Variants in RGS6 observed in about 807,000 individuals in gnomAD.
RGS6 encodes the protein regulator of G-protein signaling 6.
In RGS6, 30 loss-of-function variants were observed where a neutral mutation model predicts 78.5. The observed-to-expected ratio is 0.38, with a 90% CI of 0.29 to 0.52. RGS6 has a LOEUF of 0.52. Among genes scored for constraint, RGS6 ranks in the 20% least tolerant of loss-of-function variants. RGS6 has a pLI of 0.85. For missense variants in RGS6, 495 were observed against 609.7 expected (o/e 0.81, Z 1.98); for synonymous variants, 206 against 206.0 (o/e 1.00, Z 0.00).
chr14:72,308,246 A>C (rs904296648), intron 2 of RGS6, among the ~76,000 whole-genome samples: 3 of 152,172 alleles, frequency 2.0e-5, no homozygotes, highest in African/African-American at 7.2e-5. Flanking sequence ...TTTAACAAAA[A>C]TGCTTCTGTA....
At chr14:71,877,285 C>T in the RGS6 span, among the ~76,000 whole-genome samples, 1 of 152,212 alleles carries the variant, frequency 6.6e-6, no homozygotes, top group South Asian at 2.1e-4. Flanking sequence ...AACTTGTTTC[C>T]ATTCTCCCCG....
chr14:71,954,251 C>A (rs2092615166), intron 1 of RGS6, among the ~76,000 whole-genome samples: 1 of 151,638 alleles, frequency 6.6e-6, no homozygotes, highest in African/African-American at 2.4e-5. Flanking sequence ...ATTATTCCTT[C>A]TAATATTTCT....
In RGS6 at chr14:72,075,920, G is replaced by A. The variant is rs536499986; in HGVS notation, c.84+111045G>A. On this transcript the variant is annotated intron_variant, in intron 2 of 17. Transcript: ENST00000553525. ...AAGTCCGTGGGAAGAGCAAGATGCTGGTGATATCCTGGAGCTCTTCTGACA... is the reference window on the plus strand; with the variant it reads ...AAGTCCGTGGGAAGAGCAAGATGCTAGTGATATCCTGGAGCTCTTCTGACA... Among the ~76,000 whole-genome samples the A allele has an allele frequency of 3.9e-5, 6 of 152,300 alleles. No individual in the cohort carries two copies. The East Asian group carries it at 1.2e-3, about 29-fold the overall frequency.
intron 13 of RGS6, among the ~76,000 whole-genome samples, chr14:72,508,562 C>CTTTTTTTTTTTTTTTTTTTTTTTT (rs61097187): frequency 5.3e-5 from 3 of 56,460 alleles, no homozygotes; most frequent in Non-Finnish European, 8.8e-5. Flanking sequence ...ACACAAGCTC[C>CTTTTTTTTTTTTTTTTTTTTTTTT]TTTTTTTTTT....
intron 2 of RGS6, among the ~76,000 whole-genome samples, chr14:72,117,436 C>G (rs565346957): frequency 1.2e-3 from 190 of 152,214 alleles, no homozygotes; most frequent in African/African-American, 3.9e-3. Flanking sequence ...GGCTCCCCCC[C>G]ACCCTTCACC....
At chr14:72,196,115 C>T (rs972898871) in intron 2 of RGS6, among the ~76,000 whole-genome samples, 13 of 151,932 alleles carry the variant, frequency 8.6e-5, no homozygotes, top group African/African-American at 2.9e-4. Flanking sequence ...GGAGATGCAG[C>T]GAGAATTCGA....
intron 3 of RGS6, among the ~76,000 whole-genome samples, chr14:72,395,815 G>C (rs149774179): frequency 0.026 from 3,914 of 152,106 alleles, 86 homozygotes; most frequent in Middle Eastern, 0.082. Flanking sequence ...AGTTTGCTGA[G>C]AATGATGGTT....
intron 4 of RGS6, among the ~76,000 whole-genome samples, chr14:72,454,994 G>A (rs1017645516): frequency 3.9e-5 from 6 of 152,186 alleles, no homozygotes; most frequent in African/African-American, 9.6e-5. Flanking sequence ...TGCAAGAAGT[G>A]AAGGAATGAT....
Position 72,217,555 on chromosome 14 carries a change from TA to T in RGS6, c.85-134532del, listed in dbSNP as rs201000370. On this transcript the variant is annotated intron_variant, in intron 2 of 17. Coordinates refer to ENST00000553525, the MANE Select transcript of RGS6 (RefSeq NM_001204424.2). ...TCTTTTTTATAGTTTTTTTCTAATTTAAAAAAAAGTAACACAATATGGGCTC... is the reference window on the plus strand; with the variant it reads ...TCTTTTTTATAGTTTTTTTCTAATTTAAAAAAAGTAACACAATATGGGCTC... Among the ~76,000 whole-genome samples, 1,049 of 152,050 alleles carry T rather than the reference TA, an allele frequency of 6.9e-3. 11 individuals are homozygous for T. Among genetic ancestry groups the T allele is most frequent in the African/African-American group, 0.024 (992 of 41,502 alleles).
At chr14:72,337,608 C>T (rs2076277333) in intron 2 of RGS6, among the ~76,000 whole-genome samples, 1 of 152,196 alleles carries the variant, frequency 6.6e-6, no homozygotes, top group Non-Finnish European at 1.5e-5. Context: ...CACAGGCCAT[C>T]TCCCTCCTAA....
intron 2 of RGS6, among the ~76,000 whole-genome samples, chr14:72,156,072 T>C (rs1486529954): frequency 6.6e-6 from 1 of 152,246 alleles, no homozygotes; most frequent in East Asian, 1.9e-4. Flanking sequence ...TTTTACAGTC[T>C]ACCTGAGTAA....
the RGS6 span, among the ~76,000 whole-genome samples, chr14:71,900,745 C>T: frequency 1.3e-5 from 2 of 152,026 alleles, no homozygotes; most frequent in Non-Finnish European, 2.9e-5. Context: ...TAAAGGAATA[C>T]CTGAGACTGG....
At chr14:72,366,152 A>G (rs1477510242) in intron 3 of RGS6, among the ~76,000 whole-genome samples, 1 of 152,102 alleles carries the variant, frequency 6.6e-6, no homozygotes, top group African/African-American at 2.4e-5. Context: ...CACATCTTCT[A>G]TGATTTTGAG....
chr14:72,468,819 T>G (rs1032746772), intron 7 of RGS6, among the ~76,000 whole-genome samples: 4 of 152,326 alleles, frequency 2.6e-5, no homozygotes, highest in African/African-American at 9.6e-5. Context: ...CTATGAGCAG[T>G]GGAAGAGTCA....
intron 15 of RGS6, among the ~76,000 whole-genome samples, chr14:72,534,382 G>A (rs905434523): frequency 2.6e-5 from 4 of 152,048 alleles, no homozygotes; most frequent in Admixed American, 2.6e-4. Context: ...TTGCTTTATT[G>A]TGGTGGCCTG....
At chr14:72,382,973 G>C (rs1293952934) in intron 3 of RGS6, among the ~76,000 whole-genome samples, 4 of 151,804 alleles carry the variant, frequency 2.6e-5, no homozygotes, top group Admixed American at 2.6e-4. Context: ...GAAATGTTTA[G>C]GTGTGGAGGT....
At chr14:72,147,611 T>C (rs1465944475) in intron 2 of RGS6, among the ~76,000 whole-genome samples, 1 of 152,186 alleles carries the variant, frequency 6.6e-6, no homozygotes, top group African/African-American at 2.4e-5. Context: ...ACATAAACTT[T>C]GGAGAACACA....
At chr14:72,467,052 C>T (rs778443662) in intron 7 of RGS6, among the ~76,000 whole-genome samples, 34 of 152,024 alleles carry the variant, frequency 2.2e-4, no homozygotes, top group Non-Finnish European at 4.0e-4. Flanking sequence ...AATTAGAGGC[C>T]CCACCACCAA....
chr14:72,242,072 G>C (rs1342831679), intron 2 of RGS6, among the ~76,000 whole-genome samples: 4 of 152,202 alleles, frequency 2.6e-5, no homozygotes, highest in Non-Finnish European at 5.9e-5. Context: ...GGATTCAGTA[G>C]TTGAGGGGCT....
Sources: allele counts gnomAD v4.1 joint callset (sites outside exome capture counted in the v4.1 genomes callset), GRCh38; gene constraint gnomAD v4.1.1; transcripts MANE v1.5; gene names NCBI Gene and HGNC (gene_info 2026-07-23, HGNC 2026-07-21).